The following PRIM2 variants were observed in gnomAD, a reference collection of about 807,000 sequenced individuals.
The protein encoded by PRIM2 is DNA primase subunit 2, also known as DNA primase large subunit.
A neutral mutation model predicts 67.3 loss-of-function variants in PRIM2; 39 were observed. The observed-to-expected ratio is 0.58, with a 90% confidence interval of 0.45 to 0.76. The LOEUF is 0.76. PRIM2 is among the 30% of genes least tolerant of loss of function. The pLI is 0.00. For synonymous variants in PRIM2, 143 were observed against 198.7 expected, an observed-to-expected ratio of 0.72 and a Z score of 2.36; for missense variants, 398 against 598.7, an observed-to-expected ratio of 0.66 and a Z score of 3.50.
intron 7 of PRIM2, among the ~76,000 whole-genome samples, chr6:57,431,411 G>A (rs78775831): frequency 1.5e-4 from 23 of 151,968 alleles, no homozygotes; most frequent in African/African-American, 5.1e-4. Context: ...CCAACACTTC[G>A]GGAGGCCAAG....
At chr6:57,505,609 T>G (rs1243939252) in intron 7 of PRIM2, among the ~76,000 whole-genome samples, 1 of 152,224 alleles carries the variant, frequency 6.6e-6, no homozygotes, top group Non-Finnish European at 1.5e-5. Flanking sequence ...TGGTTAACTT[T>G]CATTTTGAAA....
the PRIM2 span, among the ~76,000 whole-genome samples, chr6:57,274,581 G>T: frequency 6.6e-6 from 1 of 152,244 alleles, no homozygotes; most frequent in Non-Finnish European, 1.5e-5. Flanking sequence ...CTTCCCGGGT[G>T]ATGCGAAGCC....
At chr6:57,480,941 C>G (rs1459438879) in intron 7 of PRIM2, among the ~76,000 whole-genome samples, 1 of 152,048 alleles carries the variant, frequency 6.6e-6, no homozygotes, top group Non-Finnish European at 1.5e-5. Context: ...CTTTAATTTT[C>G]TTATTTCAAG....
At chr6:57,515,754 T>C in intron 8 of PRIM2, among the ~76,000 whole-genome samples, 1 of 152,358 alleles carries the variant, frequency 6.6e-6, no homozygotes, top group East Asian at 1.9e-4. Flanking sequence ...TAGTTTTCTA[T>C]TCCAATCTTA....
the PRIM2 span, among the ~76,000 whole-genome samples, chr6:57,259,120 A>G: frequency 1.6e-3 from 246 of 152,348 alleles, 1 homozygote; most frequent in Non-Finnish European, 3.0e-3. Context: ...GGTTTAGAAG[A>G]AAGGTTGGAA....
At chr6:57,408,863 A>G (rs1366377828) in intron 7 of PRIM2, among the ~76,000 whole-genome samples, 1 of 152,026 alleles carries the variant, frequency 6.6e-6, no homozygotes, top group African/African-American at 2.4e-5. Context: ...GGTGCATACC[A>G]GTACACCTGG....
At chr6:57,245,937 C>T in the PRIM2 span, among the ~76,000 whole-genome samples, 1 of 152,158 alleles carries the variant, frequency 6.6e-6, no homozygotes, top group Non-Finnish European at 1.5e-5. Context: ...TGATTGGTGT[C>T]ACTCTAGTCA....
chr6:57,240,182 A>G, the PRIM2 span, among the ~76,000 whole-genome samples: 1 of 145,090 alleles, frequency 6.9e-6, no homozygotes, highest in Admixed American at 7.4e-5. Context: ...TCACACTGCA[A>G]CCTCTGCCTC....
At position 57,601,168 on chromosome 6, in the gene PRIM2, A is replaced by G. The variant is rs1271309798; in HGVS notation, c.1096A>G (p.Ser366Gly). ...CAAGAGGACAGACTATACACCTTTC[A>G]GTTGCCTGAAGATTATTCTGTCCAA... is the stretch of plus-strand genomic sequence containing the variant. ...EGKRTDYTPF[S>G]CLKIILSNPP... is the part of the protein sequence containing the mutation. The change falls in exon 11 of 14, where the codon AGT becomes GGT. Residue 366 changes from serine to glycine, a missense_variant. Physicochemically the swap from Ser to Gly is moderately conservative, Grantham distance 56. Around this residue, in one of 4 missense-constraint regions of PRIM2, gnomAD observed 229 missense variants for 383.6 expected, o/e 0.60. Coordinates refer to ENST00000615550, the MANE Select transcript of PRIM2 (RefSeq NM_000947.5). The G allele has an allele frequency of 1.2e-6, 2 of 1,612,628 alleles. No homozygotes were observed. Among genetic ancestry groups the G allele is most frequent in the Non-Finnish European group, 1.7e-6 (2 of 1,179,052 alleles).
At chr6:57,615,420 C>CAAA (rs1159988256) in intron 12 of PRIM2, among the ~76,000 whole-genome samples, 1 of 107,356 alleles carries the variant, frequency 9.3e-6, no homozygotes, top group Non-Finnish European at 2.0e-5. Flanking sequence ...GATTCTGTCT[C>CAAA]AAAAAAAAAA....
At chr6:57,345,407 T>A (rs1040607235) in intron 5 of PRIM2, among the ~76,000 whole-genome samples, 5 of 151,424 alleles carry the variant, frequency 3.3e-5, no homozygotes, top group Non-Finnish European at 7.4e-5. Context: ...CTTCAAGTGA[T>A]TCATCCACCT....
intron 12 of PRIM2, among the ~76,000 whole-genome samples, chr6:57,615,004 T>C (rs1437013472): frequency 1.2e-3 from 181 of 152,360 alleles, no homozygotes; most frequent in African/African-American, 4.2e-3. Flanking sequence ...CTGCCTAAGT[T>C]AGATGTCTGA....
At chr6:57,256,863 T>C in the PRIM2 span, among the ~76,000 whole-genome samples, 1 of 152,238 alleles carries the variant, frequency 6.6e-6, no homozygotes, top group Non-Finnish European at 1.5e-5. Context: ...ATCTAACTGA[T>C]GTGCTAGTCT....
intron 7 of PRIM2, among the ~76,000 whole-genome samples, chr6:57,454,495 C>A (rs369616207): frequency 6.6e-6 from 1 of 152,168 alleles, no homozygotes. Context: ...AGAGATTCAA[C>A]TTCTTACTGG....
chr6:57,239,780 G>A, the PRIM2 span, among the ~76,000 whole-genome samples: 1 of 152,028 alleles, frequency 6.6e-6, no homozygotes, highest in Non-Finnish European at 1.5e-5. Flanking sequence ...CATCCACAAG[G>A]AGCCCTCCCT....
At position 57,353,183 on chromosome 6, in the gene PRIM2, C is replaced by T. The variant is rs114174756; in HGVS notation, c.460-26718C>T. Reference sequence around the variant, plus strand: ...AAAGCAGTCTTTGGATTTTTCCGGTCAGTGAACTGGCTAATATTTTCTGAG... The same window carrying T: ...AAAGCAGTCTTTGGATTTTTCCGGTTAGTGAACTGGCTAATATTTTCTGAG... On this transcript the variant is annotated intron_variant, in intron 5 of 13. Transcript: ENST00000615550. Among the ~76,000 whole-genome samples, 1,445 of 147,074 alleles carry T rather than the reference C, an allele frequency of 9.8e-3. 28 individuals are homozygous for T. The highest frequency in any genetic ancestry group is 0.033 in the African/African-American group (1,313 of 39,812).
the PRIM2 span, among the ~76,000 whole-genome samples, chr6:57,279,912 G>A: frequency 6.6e-6 from 1 of 152,164 alleles, no homozygotes; most frequent in East Asian, 1.9e-4. Flanking sequence ...GGAAGATTTG[G>A]GGGAGGAATT....
At chr6:57,445,259 T>C (rs1181224701) in intron 7 of PRIM2, among the ~76,000 whole-genome samples, 1 of 152,176 alleles carries the variant, frequency 6.6e-6, no homozygotes, top group Non-Finnish European at 1.5e-5. Flanking sequence ...TTCATTTTCA[T>C]AGTTGAAGAA....
At chr6:57,383,440 G>A (rs1390071218) in intron 7 of PRIM2, 1 of 152,020 alleles carries the variant, frequency 6.6e-6, no homozygotes, top group African/African-American at 2.4e-5. Flanking sequence ...GAAAACTTCT[G>A]GCATGTTAAT....
Sources: gnomAD v4.1 joint callset for allele counts (sites outside exome capture counted in the v4.1 genomes callset) on GRCh38, gnomAD v4.1.1 for gene constraint, gnomAD v4.1.1 regional missense constraint, MANE v1.5 for transcripts, NCBI Gene and HGNC (gene_info 2026-07-23, HGNC 2026-07-21) for gene names.